Variants in USP35 observed in about 807,000 individuals in gnomAD.
The protein encoded by USP35 is ubiquitin carboxyl-terminal hydrolase 35.
In USP35, 69 loss-of-function variants were observed where a neutral mutation model predicts 83.8. That is an observed-to-expected ratio of 0.82 (90% CI 0.68 to 1.01). The LOEUF is 1.01. USP35 is among the 50% of genes least tolerant of loss of function. The probability of loss-of-function intolerance (pLI) is 0.00; values close to 1 mark genes in which losing one functional copy is unlikely to be tolerated. For synonymous variants in USP35, 714 were observed against 589.5 expected, an observed-to-expected ratio of 1.21 and a Z score of -3.06; for missense variants, 1,503 against 1,362.5, an observed-to-expected ratio of 1.10 and a Z score of -1.62.
At position 78,210,742 on chromosome 11, in the gene USP35, C is replaced by T; in HGVS notation, c.2887C>T (p.Gln963Ter). ...AISKDNILYL[Q>*]EQEKEARSRA... ...TTCCAAAGACAACATCCTTTACCTA[C>T]AGGTGAGCTGAGCCGTGGGGCCTTT... Residue 963 changes from glutamine to a stop codon, truncating the protein, a stop_gained and splice_region_variant, in exon 10 of 11, where the codon CAG becomes TAG. Transcript: ENST00000529308. LOFTEE classifies it high-confidence loss of function. 6.5e-7 allele frequency: 1 copy of T among 1,543,618 alleles called. No homozygotes were observed.
Position 78,209,880 on chromosome 11 carries a change from A to G in USP35, c.2025A>G (p.Glu675=). Residue 675 remains glutamate, a synonymous_variant, in exon 10 of 11, where the codon GAA becomes GAG. Transcript: ENST00000529308. ...KEAGGQSSQE[E]RIEREEEGKE... Reference sequence around the variant, plus strand: ...CTGGTGGGCAGAGCAGTCAGGAGGAAAGGATAGAGAGGGAGGAAGAAGGGA... The same window carrying G: ...CTGGTGGGCAGAGCAGTCAGGAGGAGAGGATAGAGAGGGAGGAAGAAGGGA... 1 of 1,607,184 alleles carries G rather than the reference A, an allele frequency of 6.2e-7. No individual in the cohort carries two copies. Among genetic ancestry groups the G allele is most frequent in the Non-Finnish European group, 8.5e-7 (1 of 1,176,418 alleles).
the USP35 span, among the ~76,000 whole-genome samples, chr11:78,232,615 A>G: frequency 1.3e-5 from 2 of 152,250 alleles, no homozygotes; most frequent in Non-Finnish European, 2.9e-5. Flanking sequence ...GCAAGAATAC[A>G]TATTATCTAG....
chr11:78,207,550 G>T lies in USP35; in HGVS notation c.1412G>T (p.Arg471Leu), dbSNP rs144391110. The T allele has an allele frequency of 6.2e-7, 1 of 1,614,104 alleles. No homozygotes were observed. Among genetic ancestry groups the T allele is most frequent in the Admixed American group, 1.7e-5 (1 of 60,024 alleles). Residue 471 changes from arginine to leucine, a missense_variant, in exon 8 of 11, where the codon CGC becomes CTC. Coordinates refer to ENST00000529308, the MANE Select transcript of USP35 (RefSeq NM_020798.4). Reference protein sequence around the residue: ...MASDFRHCVLRLTENNSQPLM... With the variant: ...MASDFRHCVLLLTENNSQPLM... ...TGAAGCTTCAGACATTGTGTGCTCCGCTTGACTGAGAACAACTCACAGCCC... is the reference window on the plus strand; with the variant it reads ...TGAAGCTTCAGACATTGTGTGCTCCTCTTGACTGAGAACAACTCACAGCCC...
chr11:78,207,608 C>T lies in USP35; in HGVS notation c.1470C>T (p.Phe490=). The change falls in exon 8 of 11, where the codon TTC becomes TTT. Residue 490 remains phenylalanine (F), a synonymous_variant. Transcript: ENST00000529308. Reference sequence around the variant, plus strand: ...CCAAGCTGCAGTGGCTCTTTGGCTTCCTAGAACACAGCCAGGTGAGTGTAG... The same window carrying T: ...CCAAGCTGCAGTGGCTCTTTGGCTTTCTAGAACACAGCCAGGTGAGTGTAG... ...LMTKLQWLFG[F]LEHSQRPAIS... is the part of the protein sequence containing the mutation. 6.2e-7 allele frequency: 1 copy of T among 1,614,020 alleles called. No homozygotes were observed. The highest frequency in any genetic ancestry group is 1.7e-5 in the Admixed American group (1 of 60,026).
At position 78,196,234 on chromosome 11, in the gene USP35, A is replaced by T. The variant is rs775111312; in HGVS notation, c.-10-2A>T. On this transcript the variant is annotated splice_acceptor_variant, in intron 1 of 10. Coordinates refer to ENST00000529308, the MANE Select transcript of USP35 (RefSeq NM_020798.4). LOFTEE classifies it low-confidence loss of function (5UTR_SPLICE). This position sits in a 1 kb window ranked among gnomAD's most constrained non-coding sequence, Gnocchi z 4.8. ...TGTGACCTCATTCCCTGTCCTCCGC[A>T]GCGCGGGCGCCATGGACAAGATCTT... The T allele has an allele frequency of 1.3e-6, 2 of 1,583,032 alleles. No individual in the cohort carries two copies. Among genetic ancestry groups the T allele is most frequent in the Non-Finnish European group, 1.7e-6 (2 of 1,172,108 alleles).
chr11:78,235,216 G>A, the USP35 span, among the ~76,000 whole-genome samples: 1 of 151,722 alleles, frequency 6.6e-6, no homozygotes, highest in African/African-American at 2.4e-5. Context: ...GCAGTGGCAC[G>A]ATCTCGGCTC....
At chr11:78,201,213 C>CTA (rs1178199297) in intron 6 of USP35, among the ~76,000 whole-genome samples, 2 of 152,200 alleles carry the variant, frequency 1.3e-5, no homozygotes, top group Non-Finnish European at 2.9e-5. Flanking sequence ...CCAGGCTGGG[C>CTA]TAGGGCCTCG....
chr11:78,207,641 CAG>C lies in USP35; in HGVS notation c.1485+21_1485+22del, dbSNP rs748298986. The C allele has an allele frequency of 4.3e-6, 7 of 1,612,072 alleles. No homozygotes were observed. The African/African-American group carries it at 6.7e-5, about 15-fold the overall frequency. On this transcript the variant is annotated intron_variant, in intron 8 of 10. Coordinates refer to ENST00000529308, the MANE Select transcript of USP35 (RefSeq NM_020798.4). ...ACAGCCAGGTGAGTGTAGGGGCAGT[CAG>C]AGGGGGGTGGAGAGGCAGCTCTGGT...
intron 1 of USP35, among the ~76,000 whole-genome samples, chr11:78,190,691 AC>A (rs1862977826): frequency 6.6e-6 from 1 of 152,226 alleles, no homozygotes; most frequent in Non-Finnish European, 1.5e-5. Flanking sequence ...GGAGGCCAGA[AC>A]TTTAGACACT....
chr11:78,230,435 C>G, the USP35 span, among the ~76,000 whole-genome samples: 1 of 152,256 alleles, frequency 6.6e-6, no homozygotes, highest in Admixed American at 6.5e-5. Flanking sequence ...AGCCTTTTCA[C>G]TCTACAAAGG....
At chr11:78,197,331 A>C (rs1863185333) in intron 2 of USP35, among the ~76,000 whole-genome samples, 1 of 151,998 alleles carries the variant, frequency 6.6e-6, no homozygotes, top group Non-Finnish European at 1.5e-5. Context: ...GGCACCTGGC[A>C]GCAGGGGCAA....
intron 7 of USP35, among the ~76,000 whole-genome samples, chr11:78,206,966 C>T (rs751523139): frequency 1.3e-5 from 2 of 152,196 alleles, no homozygotes; most frequent in Non-Finnish European, 2.9e-5. Context: ...GCGTATTCCT[C>T]ACATTGACCT....
chr11:78,207,758 G>C, intron 8 of USP35, 135 bp downstream of exon 8: 1 of 906,940 alleles, frequency 1.1e-6, no homozygotes, highest in Non-Finnish European at 1.7e-6. Context: ...CCCTGGCCGG[G>C]CTGGCATATG....
intron 9 of USP35, 96 bp downstream of exon 9, chr11:78,209,059 AGT>A (rs1863632276): frequency 7.9e-7 from 1 of 1,268,140 alleles, no homozygotes; most frequent in African/African-American, 1.5e-5. Flanking sequence ...CCAGGGAATA[AGT>A]GTGCTGCCTC....
chr11:78,232,782 C>T, the USP35 span, among the ~76,000 whole-genome samples: 1 of 152,090 alleles, frequency 6.6e-6, no homozygotes, highest in Non-Finnish European at 1.5e-5. Context: ...TATTAGTAGC[C>T]TCAGTAATCC....
In USP35 at chr11:78,213,686, C is replaced by G. The variant is rs764476432; in HGVS notation, c.2930C>G (p.Ser977Cys). 5 of 1,521,204 alleles carry G rather than the reference C, an allele frequency of 3.3e-6. No individual in the cohort carries two copies. The highest frequency in any genetic ancestry group is 2.6e-5 in the East Asian group (1 of 38,058). The allele number at this position is 1,521,204 out of a possible 1,614,324, so 94.2% of individuals were successfully genotyped here. Residue 977 changes from serine to cysteine, a missense_variant, in exon 11 of 11, where the codon TCT (serine) becomes TGT (cysteine). Coordinates refer to ENST00000529308, the MANE Select transcript of USP35 (RefSeq NM_020798.4). ...GCCCGGAGCAGGGCGGCCTACATCTCTGCACTCCCCACATCTCCGCACTGG... is the reference window on the plus strand; with the variant it reads ...GCCCGGAGCAGGGCGGCCTACATCTGTGCACTCCCCACATCTCCGCACTGG... ...KEARSRAAYI[S>C]ALPTSPHWGR...
chr11:78,200,740 G>T lies in USP35; in HGVS notation c.1129G>T (p.Val377Phe). The change falls in exon 6 of 11, where the codon GTC (valine) becomes TTC (phenylalanine). Residue 377 changes from valine (V) to phenylalanine (F), a missense_variant. Physicochemically the swap from Val to Phe is conservative, Grantham distance 50 (BLOSUM62 -1). Coordinates refer to ENST00000529308, the MANE Select transcript of USP35 (RefSeq NM_020798.4). ...TSCLEQLAEL[V>F]HCMVFRFPGF... ...CTGCCTGGAGCAGCTGGCGGAGCTG[G>T]TCCACTGCATGGTGTTCCGGTTCCC... 1 of 1,614,188 alleles carries T rather than the reference G, an allele frequency of 6.2e-7. No individual in the cohort carries two copies. The highest frequency in any genetic ancestry group is 8.5e-7 in the Non-Finnish European group (1 of 1,180,022).
At chr11:78,200,313 A>T in intron 5 of USP35, 79 bp downstream of exon 5, 1 of 1,500,940 alleles carries the variant, frequency 6.7e-7, no homozygotes, top group Non-Finnish European at 9.2e-7. Context: ...TGCCCCTGGT[A>T]AGGGCCCTGC....
rs1555086612 is a variant in USP35, at chr11:78,203,887, C to CAT, written c.1198-1955_1198-1954insAT. Among the ~76,000 whole-genome samples the CAT allele has an allele frequency of 1.8e-4, 22 of 124,446 alleles. No homozygotes were observed. The East Asian group carries it at 5.5e-3, about 31-fold the overall frequency. 81.6% of individuals were successfully genotyped at this position (124,446 alleles called of 152,430 possible). On this transcript the variant is annotated intron_variant, in intron 6 of 10. Transcript: ENST00000529308. ...GCCACTGTACCCAGCCCATATTTTT[C>CAT]TTTTCTTTTTTTTTTTTTTTTGAGA...
Sources: allele counts gnomAD v4.1 joint callset (sites outside exome capture counted in the v4.1 genomes callset), GRCh38; gene constraint gnomAD v4.1.1; non-coding constraint Gnocchi (gnomAD v3.1); transcripts MANE v1.5; gene names NCBI Gene and HGNC (gene_info 2026-07-23, HGNC 2026-07-21).